ASTN2: variants seen among roughly 807,000 people sequenced by gnomAD.
The protein encoded by ASTN2 is astrotactin-2.
ASTN2 carries 54 observed loss-of-function variants against 139.8 expected under a neutral mutation model. The observed-to-expected ratio is 0.39, with a 90% CI of 0.31 to 0.48. The LOEUF is 0.48. Ranked by LOEUF, ASTN2 falls within the 20% of genes least tolerant of loss-of-function variation. ASTN2 has a pLI of 0.95. For synonymous variants in ASTN2, 756 were observed against 719.5 expected, an observed-to-expected ratio of 1.05 and a Z score of -0.81; for missense variants, 1,565 against 1,725.1, an observed-to-expected ratio of 0.91 and a Z score of 1.64.
chr9:116,742,294 T>C (rs1488393639), intron 13 of ASTN2, among the ~76,000 whole-genome samples: 2 of 152,184 alleles, frequency 1.3e-5, no homozygotes, highest in Non-Finnish European at 2.9e-5. Context: ...ATGTTTTATT[T>C]TAATATACAG....
At position 117,223,544 on chromosome 9, in the gene ASTN2, G is replaced by A. The variant is rs141003360; in HGVS notation, c.631-8802C>T. Among the ~76,000 whole-genome samples the A allele has an allele frequency of 2.4e-3, 368 of 152,208 alleles. 2 individuals carry two copies. The highest frequency in any genetic ancestry group is 8.4e-3 in the African/African-American group (348 of 41,530). ...GTGTCAACAATGACACTGAGGTCTC[G>A]ATTCTGTCACTGGATTAGGGAGGGA... On this transcript the variant is annotated intron_variant, in intron 2 of 22. Coordinates refer to ENST00000313400, the MANE Select transcript of ASTN2 (RefSeq NM_001365068.1).
At chr9:116,427,591 AG>A (rs969083148) in intron 22 of ASTN2, among the ~76,000 whole-genome samples, 1 of 152,254 alleles carries the variant, frequency 6.6e-6, no homozygotes, top group African/African-American at 2.4e-5. Context: ...CTGATACCAC[AG>A]GAGGGAAGGA....
At chr9:116,958,804 T>G (rs1835794636) in intron 10 of ASTN2, among the ~76,000 whole-genome samples, 1 of 148,788 alleles carries the variant, frequency 6.7e-6, no homozygotes, top group African/African-American at 2.5e-5. Flanking sequence ...CAGCAGAGAG[T>G]ACGATATAGG....
chr9:116,956,158 C>A (rs370207055), intron 10 of ASTN2, among the ~76,000 whole-genome samples: 1 of 142,266 alleles, frequency 7.0e-6, no homozygotes, highest in Non-Finnish European at 1.5e-5. Context: ...TGCAATGGCG[C>A]GATGTTGGCT....
At chr9:116,795,119 G>C (rs1830657193) in intron 13 of ASTN2, among the ~76,000 whole-genome samples, 1 of 152,160 alleles carries the variant, frequency 6.6e-6, no homozygotes, top group Admixed American at 6.5e-5. Flanking sequence ...TGGGATTACA[G>C]GCACCTGTCA....
At chr9:116,946,436 T>G (rs1485988043) in intron 10 of ASTN2, among the ~76,000 whole-genome samples, 2 of 152,118 alleles carry the variant, frequency 1.3e-5, no homozygotes, top group Admixed American at 6.5e-5. Flanking sequence ...TCCCCTCTCC[T>G]TCTTTCACTG....
At chr9:116,779,090 CTCAA>C (rs1830154655) in intron 13 of ASTN2, among the ~76,000 whole-genome samples, 1 of 133,570 alleles carries the variant, frequency 7.5e-6, no homozygotes, top group Non-Finnish European at 1.6e-5. Context: ...ATTTTCCAAA[CTCAA>C]TCAATTCCTA....
chr9:116,669,445 T>C (rs988303144), intron 16 of ASTN2, among the ~76,000 whole-genome samples: 6 of 152,174 alleles, frequency 3.9e-5, no homozygotes, highest in African/African-American at 1.4e-4. Flanking sequence ...CAAACCACCT[T>C]CCAAAGTGGC....
chr9:116,893,163 A>T (rs962330245), intron 10 of ASTN2, among the ~76,000 whole-genome samples: 8 of 31,280 alleles, frequency 2.6e-4, no homozygotes, highest in South Asian at 1.4e-3. Context: ...GGTGTATCAC[A>T]CACACACACA....
chr9:116,537,037 A>C (rs1237042438), intron 19 of ASTN2, among the ~76,000 whole-genome samples: 2 of 151,978 alleles, frequency 1.3e-5, no homozygotes, highest in East Asian at 3.9e-4. Flanking sequence ...TTGTTTACCT[A>C]CTCAAGCCTC....
rs546311957 is a variant in ASTN2, at chr9:117,187,632, C to T, written c.1015+26726G>A. ...TAAAAACTAGGTTGGCTGTCTGTCA[C>T]GAGTCTCCCTGGTCATGTGATGCCC... On this transcript the variant is annotated intron_variant, in intron 3 of 22. Coordinates refer to ENST00000313400, the MANE Select transcript of ASTN2 (RefSeq NM_001365068.1). Among the ~76,000 whole-genome samples the T allele has an allele frequency of 2.0e-4, 30 of 152,264 alleles. No individual in the cohort carries two copies. The South Asian group carries it at 2.1e-3, about 11-fold the overall frequency.
intron 19 of ASTN2, among the ~76,000 whole-genome samples, chr9:116,589,043 T>G (rs1326555753): frequency 6.6e-6 from 1 of 152,174 alleles, no homozygotes; most frequent in African/African-American, 2.4e-5. Flanking sequence ...AATTAGCAAA[T>G]ACGTATTCAG....
chr9:116,822,866 C>G (rs1160971933), intron 11 of ASTN2, among the ~76,000 whole-genome samples: 1 of 152,186 alleles, frequency 6.6e-6, no homozygotes, highest in Non-Finnish European at 1.5e-5. Flanking sequence ...TGTGTCAAAA[C>G]TCTTGAGGAC....
intron 19 of ASTN2, among the ~76,000 whole-genome samples, chr9:116,526,516 A>G (rs1431334396): frequency 6.6e-6 from 1 of 151,832 alleles, no homozygotes; most frequent in Admixed American, 6.6e-5. Context: ...CAGCCACTTG[A>G]GAGACTCAGG....
intron 20 of ASTN2, among the ~76,000 whole-genome samples, chr9:116,477,200 A>C (rs891344968): frequency 7.2e-5 from 11 of 152,152 alleles, no homozygotes; most frequent in African/African-American, 2.7e-4. Context: ...CTGTCGGCTG[A>C]AAAACAGCGT....
At chr9:116,858,459 A>G (rs183717180) in intron 11 of ASTN2, among the ~76,000 whole-genome samples, 2 of 152,198 alleles carry the variant, frequency 1.3e-5, no homozygotes, top group African/African-American at 4.8e-5. Context: ...GCAGTTACTT[A>G]GAGATGGTGG....
chr9:116,898,185 T>C (rs1417577871), intron 10 of ASTN2, among the ~76,000 whole-genome samples: 1 of 152,008 alleles, frequency 6.6e-6, no homozygotes, highest in Admixed American at 6.6e-5. Flanking sequence ...GGTGGAAGGA[T>C]CGCTTGAGTG....
intron 16 of ASTN2, among the ~76,000 whole-genome samples, chr9:116,712,159 T>C (rs1000998597): frequency 1.3e-5 from 2 of 152,186 alleles, no homozygotes; most frequent in Admixed American, 1.3e-4. Context: ...AATTTCTTTT[T>C]TCTTATCTCA....
intron 2 of ASTN2, among the ~76,000 whole-genome samples, chr9:117,232,279 T>C (rs1347422371): frequency 8.5e-5 from 13 of 152,198 alleles, no homozygotes; most frequent in Admixed American, 8.5e-4. Flanking sequence ...GTTTCTTCTT[T>C]ATACCCCAGG....
Sources: allele counts gnomAD v4.1 joint callset (sites outside exome capture counted in the v4.1 genomes callset), GRCh38; gene constraint gnomAD v4.1.1; transcripts MANE v1.5; gene names NCBI Gene and HGNC (gene_info 2026-07-23, HGNC 2026-07-21).